The following SYNE1 variants were observed in gnomAD, a reference collection of about 807,000 sequenced individuals.
SYNE1 encodes nesprin-1.
In SYNE1, 616 loss-of-function variants were observed where a neutral mutation model predicts 1,111.0. That is an observed-to-expected ratio of 0.55 (90% CI 0.52 to 0.59). The LOEUF (loss-of-function observed/expected upper bound fraction) is 0.59, where lower values mean the gene tolerates loss of function less well. Ranked by LOEUF, SYNE1 falls within the 20% of genes least tolerant of loss-of-function variation. SYNE1 has a pLI of 0.00. For missense variants in SYNE1, 10,006 were observed against 10,417.0 expected, an observed-to-expected ratio of 0.96 and a Z score of 1.72; for synonymous variants, 3,855 against 3,825.8, an observed-to-expected ratio of 1.01 and a Z score of -0.28.
chr6:152,314,979 G>A (rs868851840), intron 87 of SYNE1, among the ~76,000 whole-genome samples: 4 of 143,094 alleles, frequency 2.8e-5, no homozygotes, highest in Admixed American at 6.9e-5. Context: ...GCGATAGAGC[G>A]AAATGCTGTC....
At chr6:152,490,016 A>G (rs2098961973) in intron 11 of SYNE1, among the ~76,000 whole-genome samples, 1 of 152,212 alleles carries the variant, frequency 6.6e-6, no homozygotes, top group South Asian at 2.1e-4. Context: ...CAAATGCATT[A>G]TATAAAGTCA....
intron 32 of SYNE1, among the ~76,000 whole-genome samples, chr6:152,440,562 T>C (rs935733438): frequency 7.2e-6 from 1 of 137,938 alleles, no homozygotes; most frequent in Non-Finnish European, 1.5e-5. Flanking sequence ...TATTATTGCC[T>C]CCAGATTTTT....
At chr6:152,193,409 C>A (rs1378695635) in intron 127 of SYNE1, among the ~76,000 whole-genome samples, 2 of 152,112 alleles carry the variant, frequency 1.3e-5, no homozygotes, top group Non-Finnish European at 2.9e-5. Context: ...TCTTTGCCTC[C>A]CAGATTCAAG....
chr6:152,396,972 C>T lies in SYNE1; in HGVS notation c.7359G>A (p.Leu2453=). 6.2e-7 allele frequency: 1 copy of T among 1,614,088 alleles called. No individual in the cohort carries two copies. The highest frequency in any genetic ancestry group is 1.6e-4 in the Middle Eastern group (1 of 6,062). Residue 2453 remains leucine, a synonymous_variant, in exon 50 of 146, where the codon TTG becomes TTA. Coordinates refer to ENST00000367255, the MANE Select transcript of SYNE1 (RefSeq NM_182961.4). ...TGCTCTGCCCATCACTGACTGAGTC[C>T]AAAATGTTCTGTTTCAGGAAATAAA... ...EAKLHDLQNI[L]DSVSDGQSKL...
rs1449281199 is a variant in SYNE1 at position 152,336,947 on chromosome 6, T to G, written c.12422A>C (p.Glu4141Ala). ...AGCATCTTGCAGGTAAATCCAGAGC[T>G]CAGACTTCAGGTGCTTGATCTCTTC... ...GWEEIKHLKS[E>A]LWIYLQDADQ... Residue 4141 changes from glutamate to alanine, a missense_variant, in exon 76 of 146, where the codon GAG (glutamate) becomes GCG (alanine). This residue lies in a region of SYNE1 where 4,955 missense variants were observed against 5,017.2 expected (regional missense o/e 0.99). Coordinates refer to ENST00000367255, the MANE Select transcript of SYNE1 (RefSeq NM_182961.4). The G allele has an allele frequency of 2.5e-6, 4 of 1,614,024 alleles. No individual in the cohort carries two copies. Among genetic ancestry groups the G allele is most frequent in the Admixed American group, 3.3e-5 (2 of 59,998 alleles).
At chr6:152,562,935 G>A (rs568226874) in intron 3 of SYNE1, among the ~76,000 whole-genome samples, 9 of 151,994 alleles carry the variant, frequency 5.9e-5, no homozygotes, top group African/African-American at 2.2e-4. Flanking sequence ...CTAGTTTTAG[G>A]TTCAGATACA....
intron 100 of SYNE1, among the ~76,000 whole-genome samples, chr6:152,267,306 C>CT (rs560312568): frequency 1.3e-4 from 19 of 149,460 alleles, no homozygotes; most frequent in East Asian, 3.9e-4. Context: ...TGCATGAAAA[C>CT]TTTTTTTTTT....
In SYNE1 at chr6:152,305,963, C is replaced by G. The variant is rs1436027258; in HGVS notation, c.17346+2526G>C. On this transcript the variant is annotated intron_variant, in intron 91 of 145. Coordinates refer to ENST00000367255, the MANE Select transcript of SYNE1 (RefSeq NM_182961.4). The stretch of plus-strand genomic sequence containing the variant: ...TCCACTGCTGACTGAGCTGAGTTCA[C>G]TCTGTGACCTTGGGGGACTCATTTA... 3.9e-5 allele frequency among the ~76,000 whole-genome samples: 6 copies of G among 152,204 alleles called. No homozygotes were observed. In the East Asian group the frequency reaches 1.2e-3, roughly 29 times the overall value.
Position 152,398,738 on chromosome 6 carries a change from A to C in SYNE1, c.7238-7T>G, listed in dbSNP as rs1393662599. On this transcript the variant is annotated splice_polypyrimidine_tract_variant and splice_region_variant and intron_variant, in intron 48 of 145. Transcript: ENST00000367255. ...TGGAATTCCTGCATAGACTCTTTTG[A>C]AAGAAAAAATAAATAAATAAAAATA... 3 of 1,603,936 alleles carry C rather than the reference A, an allele frequency of 1.9e-6. No homozygotes were observed.
At chr6:152,443,197 A>G (rs938463388) in intron 30 of SYNE1, among the ~76,000 whole-genome samples, 2 of 152,190 alleles carry the variant, frequency 1.3e-5, no homozygotes, top group Non-Finnish European at 2.9e-5. Flanking sequence ...ATTGGACCTA[A>G]AGTAAATGGA....
intron 129 of SYNE1, among the ~76,000 whole-genome samples, chr6:152,177,066 G>A (rs968554846): frequency 7.9e-5 from 12 of 152,098 alleles, no homozygotes; most frequent in African/African-American, 2.9e-4. Context: ...TTTTAAAAGA[G>A]TTCCTTCATT....
chr6:152,197,572 A>G (rs558599266), intron 127 of SYNE1, among the ~76,000 whole-genome samples: 2 of 152,372 alleles, frequency 1.3e-5, no homozygotes, highest in Non-Finnish European at 2.9e-5. Context: ...CATGAAGACA[A>G]CATTAGTCTT....
chr6:152,399,275 AT>A (rs1182881856), intron 48 of SYNE1, among the ~76,000 whole-genome samples: 2 of 152,186 alleles, frequency 1.3e-5, no homozygotes, highest in Non-Finnish European at 2.9e-5. Flanking sequence ...AGCATAAAAA[AT>A]TTCAGCAGTT....
Position 152,376,904 on chromosome 6 carries a change from C to A in SYNE1, c.9018G>T (p.Leu3006=). 1 of 1,613,836 alleles carries A rather than the reference C, an allele frequency of 6.2e-7. No individual in the cohort carries two copies. Among genetic ancestry groups the A allele is most frequent in the South Asian group, 1.1e-5 (1 of 91,070 alleles). The change falls in exon 57 of 146, where the codon CTG becomes CTT. Residue 3006 remains leucine (L), a synonymous_variant. Coordinates refer to ENST00000367255, the MANE Select transcript of SYNE1 (RefSeq NM_182961.4). ...VECWHKGQEI[L]DALQKAEPRT... ...TAGGCTCTGCTTTTTGCAAAGCATC[C>A]AGTATCTCCTGTTCAGAAATAATGA...
chr6:152,262,206 A>C lies in SYNE1; in HGVS notation c.18816-18T>G. On this transcript the variant is annotated intron_variant, in intron 100 of 145. Transcript: ENST00000367255. ...GTTTTTCGCTATTAGAAGAATAAATAATCTAAGTTTACAATGTGCACAAAA... is the reference window on the plus strand; with the variant it reads ...GTTTTTCGCTATTAGAAGAATAAATCATCTAAGTTTACAATGTGCACAAAA... 6.2e-7 allele frequency: 1 copy of C among 1,612,284 alleles called. No individual in the cohort carries two copies. The highest frequency in any genetic ancestry group is 8.5e-7 in the Non-Finnish European group (1 of 1,178,972).
chr6:152,179,935 A>G (rs897813659), intron 129 of SYNE1, among the ~76,000 whole-genome samples: 4 of 151,562 alleles, frequency 2.6e-5, no homozygotes, highest in Non-Finnish European at 5.9e-5. Context: ...TGCCCACCTC[A>G]GCCTCCCAAA....
In SYNE1 at chr6:152,385,782, C is replaced by A. The variant is rs776642978; in HGVS notation, c.8544G>T (p.Ala2848=). Residue 2848 remains alanine (A), a synonymous_variant, in exon 55 of 146, where the codon GCG becomes GCT. Transcript: ENST00000367255. The part of the protein sequence containing the change: ...IVKDHLMYLD[A]VHEFTDWLHS... ...GGAGCCAATCTGTGAACTCGTGGACCGCATCTAAATACATTAGATGATCTT... is the reference window on the plus strand; with the variant it reads ...GGAGCCAATCTGTGAACTCGTGGACAGCATCTAAATACATTAGATGATCTT... The A allele has an allele frequency of 1.3e-5, 21 of 1,613,878 alleles. No homozygotes were observed. The highest frequency in any genetic ancestry group is 1.7e-5 in the Non-Finnish European group (20 of 1,179,982).
chr6:152,206,948 G>T (rs946907413), intron 125 of SYNE1, among the ~76,000 whole-genome samples: 1 of 152,162 alleles, frequency 6.6e-6, no homozygotes, highest in Admixed American at 6.5e-5. Flanking sequence ...AGTGACTGGG[G>T]TTCACAGAAG....
At chr6:152,375,361 C>T (rs989834502) in intron 58 of SYNE1, among the ~76,000 whole-genome samples, 3 of 152,174 alleles carry the variant, frequency 2.0e-5, no homozygotes, top group Admixed American at 1.3e-4. Context: ...AGAGTCTGCT[C>T]CTACTAGAGA....
Sources: gnomAD v4.1 joint callset for allele counts (sites outside exome capture counted in the v4.1 genomes callset) on GRCh38, gnomAD v4.1.1 for gene constraint, gnomAD v4.1.1 regional missense constraint, MANE v1.5 for transcripts, NCBI Gene and HGNC (gene_info 2026-07-23, HGNC 2026-07-21) for gene names.